The following ZC3H12B variants were observed in gnomAD, a reference collection of about 807,000 sequenced individuals.
The protein encoded by ZC3H12B is zinc finger CCCH-type containing 12B, also known as probable ribonuclease ZC3H12B.
In ZC3H12B, 7 loss-of-function variants were observed where a neutral mutation model predicts 43.9. The observed-to-expected ratio is 0.16, with a 90% confidence interval of 0.09 to 0.30. The LOEUF is 0.30. ZC3H12B is among the 10% of genes least tolerant of loss of function. ZC3H12B has a pLI of 1.00. For missense variants in ZC3H12B, 475 were observed against 670.2 expected (o/e 0.71, Z 3.22); for synonymous variants, 222 against 241.7 (o/e 0.92, Z 0.76).
the ZC3H12B span, chrX:65,331,365 A>G: frequency 9.0e-6 from 1 of 111,290 alleles, no homozygotes; most frequent in Non-Finnish European, 1.9e-5. Context: ...GAGCATTGAG[A>G]TAAGTGAAAT....
the ZC3H12B span, among the ~76,000 whole-genome samples, chrX:65,143,593 C>T: frequency 9.3e-6 from 1 of 107,253 alleles, no homozygotes; most frequent in Non-Finnish European, 1.9e-5. Flanking sequence ...GATGGAGTCT[C>T]CCTCTGTTGC....
At chrX:65,493,298 G>T (rs754832843) in intron 1 of ZC3H12B, among the ~76,000 whole-genome samples, 1 of 109,141 alleles carries the variant, frequency 9.2e-6, no homozygotes, top group African/African-American at 3.3e-5. Flanking sequence ...CAGGAGAATC[G>T]CTTGAACCCA....
chrX:65,128,665 A>G, the ZC3H12B span, among the ~76,000 whole-genome samples: 180 of 112,194 alleles, frequency 1.6e-3, no homozygotes, highest in Non-Finnish European at 2.9e-3. Context: ...TCCAACTAAA[A>G]TTATAAGATT....
At chrX:65,479,156 C>T (rs1446473695) in intron 3 of ZC3H12B, among the ~76,000 whole-genome samples, 1 of 110,970 alleles carries the variant, frequency 9.0e-6, no homozygotes, top group Non-Finnish European at 1.9e-5. Context: ...TGGAGAAGCT[C>T]TAAATTTGTT....
the ZC3H12B span, among the ~76,000 whole-genome samples, chrX:65,237,005 GCTTAGAATTGCTGT>G: frequency 8.9e-6 from 1 of 111,750 alleles, no homozygotes; most frequent in Non-Finnish European, 1.9e-5. Flanking sequence ...TGTTCTTTTT[GCTTAGAATTGCTGT>G]GGCTGTTTGG....
At chrX:65,215,244 C>A in the ZC3H12B span, among the ~76,000 whole-genome samples, 6 of 111,606 alleles carry the variant, frequency 5.4e-5, no homozygotes, top group Non-Finnish European at 1.9e-5. Flanking sequence ...AAGAGTCATC[C>A]TGAAGCTTCA....
At chrX:65,381,188 A>G (rs59408251) in intron 2 of ZC3H12B, among the ~76,000 whole-genome samples, 15,765 of 110,891 alleles carry the variant, frequency 0.14, 2,728 homozygotes, top group African/African-American at 0.49. Context: ...TCCAAAATTG[A>G]CCGCATACGT....
At chrX:65,359,193 G>A in the ZC3H12B span, among the ~76,000 whole-genome samples, 1 of 111,035 alleles carries the variant, frequency 9.0e-6, no homozygotes, top group Non-Finnish European at 1.9e-5. Flanking sequence ...TACTTCTATT[G>A]AAAATGCATC....
the ZC3H12B span, among the ~76,000 whole-genome samples, chrX:65,091,223 T>C: frequency 8.9e-6 from 1 of 112,007 alleles, no homozygotes; most frequent in Non-Finnish European, 1.9e-5. Context: ...ATGTGGTGAC[T>C]AAAACAAGAT....
At chrX:65,474,904 G>T (rs1304079470) in intron 3 of ZC3H12B, among the ~76,000 whole-genome samples, 2 of 112,513 alleles carry the variant, frequency 1.8e-5, no homozygotes, top group Non-Finnish European at 3.8e-5. Context: ...ACCACACCCA[G>T]CCTCTTCCTT....
chrX:65,170,026 G>A, the ZC3H12B span, among the ~76,000 whole-genome samples: 168 of 111,687 alleles, frequency 1.5e-3, no homozygotes, highest in African/African-American at 4.6e-3. Flanking sequence ...GCATTTAGCC[G>A]ATTTACATGT....
chrX:65,044,724 A>G, the ZC3H12B span, among the ~76,000 whole-genome samples: 7 of 111,675 alleles, frequency 6.3e-5, no homozygotes, highest in Admixed American at 1.9e-4. Flanking sequence ...ACAGAAATAC[A>G]TATGTACAGT....
At chrX:65,355,880 A>G in the ZC3H12B span, among the ~76,000 whole-genome samples, 2 of 111,539 alleles carry the variant, frequency 1.8e-5, no homozygotes, top group Non-Finnish European at 3.8e-5. Flanking sequence ...ACTTGAACCC[A>G]GGAGGCAGAA....
chrX:65,260,807 G>A, the ZC3H12B span, among the ~76,000 whole-genome samples: 1 of 111,626 alleles, frequency 9.0e-6, no homozygotes, highest in Non-Finnish European at 1.9e-5. Context: ...GCATTCAGAG[G>A]CTGGGATAAA....
At chrX:65,384,703 C>G (rs1278965191) in intron 2 of ZC3H12B, among the ~76,000 whole-genome samples, 4 of 111,291 alleles carry the variant, frequency 3.6e-5, no homozygotes, top group Non-Finnish European at 7.5e-5. Context: ...ATTCTACAAT[C>G]AAAAGACATA....
the ZC3H12B span, among the ~76,000 whole-genome samples, chrX:65,298,416 T>C: frequency 1.8e-5 from 2 of 112,313 alleles, no homozygotes; most frequent in African/African-American, 6.5e-5. Flanking sequence ...GGGAAATTCA[T>C]AGCATTGAAT....
At chrX:65,255,764 C>T in the ZC3H12B span, among the ~76,000 whole-genome samples, 1 of 112,062 alleles carries the variant, frequency 8.9e-6, no homozygotes, top group Non-Finnish European at 1.9e-5. Flanking sequence ...AGAAGCAAGA[C>T]CCAACAGTAA....
At chrX:65,405,494 C>A (rs7056477) in intron 3 of ZC3H12B, among the ~76,000 whole-genome samples, 15,735 of 110,450 alleles carry the variant, frequency 0.14, 2,732 homozygotes, top group African/African-American at 0.49. Flanking sequence ...GTGACAGGTG[C>A]CTGTAATCCC....
the ZC3H12B span, among the ~76,000 whole-genome samples, chrX:65,346,502 G>T: frequency 9.0e-6 from 1 of 111,407 alleles, no homozygotes; most frequent in East Asian, 2.8e-4. Flanking sequence ...TTTAAATGTA[G>T]ACCTCAAATT....
Sources: allele counts gnomAD v4.1 joint callset (sites outside exome capture counted in the v4.1 genomes callset), GRCh38; gene constraint gnomAD v4.1.1; transcripts MANE v1.5; gene names NCBI Gene and HGNC (gene_info 2026-07-23, HGNC 2026-07-21).